Variants in SNTG1 observed in about 807,000 individuals in gnomAD.
SNTG1 encodes the protein gamma-1-syntrophin.
Under a neutral mutation model 74.7 loss-of-function variants are expected in SNTG1, and 39 were observed. The observed-to-expected ratio is 0.52, with a 90% CI of 0.40 to 0.68. The LOEUF is 0.68. Ranked by LOEUF, SNTG1 falls within the 30% of genes least tolerant of loss-of-function variation. The pLI is 0.00. For missense variants in SNTG1, 685 were observed against 609.5 expected (o/e 1.12, Z -1.30); for synonymous variants, 254 against 217.1 (o/e 1.17, Z -1.49).
chr8:50,778,336 C>T (rs2095647521), intron 18 of SNTG1, among the ~76,000 whole-genome samples: 1 of 152,130 alleles, frequency 6.6e-6, no homozygotes, highest in Non-Finnish European at 1.5e-5. Flanking sequence ...AAAAGTGTTC[C>T]TATTCCTCCA....
At chr8:50,428,668 C>G (rs919476081) in intron 4 of SNTG1, among the ~76,000 whole-genome samples, 6 of 152,124 alleles carry the variant, frequency 3.9e-5, no homozygotes, top group Non-Finnish European at 8.8e-5. Context: ...GAGAAAAACC[C>G]AAAACCCTGA....
chr8:50,110,310 T>A (rs1335191445), intron 1 of SNTG1, among the ~76,000 whole-genome samples: 1 of 152,096 alleles, frequency 6.6e-6, no homozygotes, highest in Non-Finnish European at 1.5e-5. Flanking sequence ...GGGTGTGAGA[T>A]TTTCCAGCCC....
chr8:50,651,658 T>C (rs2095147413), intron 13 of SNTG1, among the ~76,000 whole-genome samples: 1 of 151,998 alleles, frequency 6.6e-6, no homozygotes, highest in Non-Finnish European at 1.5e-5. Context: ...GATTTCTCCA[T>C]GTAGGTCAGG....
At chr8:50,025,414 C>G (rs1456855430) in intron 1 of SNTG1, among the ~76,000 whole-genome samples, 1 of 152,098 alleles carries the variant, frequency 6.6e-6, no homozygotes, top group East Asian at 1.9e-4. Context: ...GTTAAATTCA[C>G]CCTTCCAAAA....
At chr8:50,741,594 T>C (rs767250226) in intron 17 of SNTG1, among the ~76,000 whole-genome samples, 1 of 152,098 alleles carries the variant, frequency 6.6e-6, no homozygotes, top group African/African-American at 2.4e-5. Flanking sequence ...AGAGCAGTTT[T>C]ATTCATAATT....
intron 2 of SNTG1, among the ~76,000 whole-genome samples, chr8:50,387,121 A>G (rs2092587677): frequency 1.3e-5 from 2 of 152,204 alleles, no homozygotes; most frequent in South Asian, 4.1e-4. Context: ...GAGTTAAGCT[A>G]CTCTGATTAC....
At chr8:50,185,932 A>G (rs1284702152) in intron 2 of SNTG1, among the ~76,000 whole-genome samples, 1 of 152,026 alleles carries the variant, frequency 6.6e-6, no homozygotes, top group Non-Finnish European at 1.5e-5. Flanking sequence ...TGCTGCACCT[A>G]TCAACACGTC....
intron 1 of SNTG1, among the ~76,000 whole-genome samples, chr8:49,918,123 T>C (rs75417081): frequency 0.019 from 2,933 of 152,202 alleles, 194 homozygotes; most frequent in Admixed American, 0.13. Context: ...TATCTAGAAA[T>C]GAGACAATGA....
intron 1 of SNTG1, among the ~76,000 whole-genome samples, chr8:50,014,965 C>A (rs1295980211): frequency 1.3e-5 from 2 of 148,684 alleles, no homozygotes; most frequent in African/African-American, 5.0e-5. Flanking sequence ...CAGTTTTCAA[C>A]AAAAACTCAT....
intron 2 of SNTG1, among the ~76,000 whole-genome samples, chr8:50,242,778 CTATT>C (rs1480836947): frequency 1.3e-5 from 2 of 149,824 alleles, no homozygotes; most frequent in Non-Finnish European, 3.0e-5. Context: ...CATATATTAT[CTATT>C]TATATTACCA....
At chr8:50,151,876 T>C (rs1305694097) in intron 1 of SNTG1, among the ~76,000 whole-genome samples, 1 of 152,186 alleles carries the variant, frequency 6.6e-6, no homozygotes, top group African/African-American at 2.4e-5. Context: ...CTGAGAAGAA[T>C]GTATATTCTG....
chr8:50,393,902 G>A (rs561988020), intron 2 of SNTG1, among the ~76,000 whole-genome samples: 44 of 152,276 alleles, frequency 2.9e-4, no homozygotes, highest in South Asian at 1.0e-3. Context: ...GGGAATGAGC[G>A]AGAAGAGGTT....
rs971167916 is a variant in SNTG1, at chr8:50,121,678, C to T, written c.-102-50883C>T. ...TTTAAACCAATGTGTTACAACTGTA[C>T]CAAAAAAATAGAATGAATTTTAAAT... On this transcript the variant is annotated intron_variant, in intron 1 of 18. Coordinates refer to ENST00000642720, the MANE Select transcript of SNTG1 (RefSeq NM_018967.5). Among the ~76,000 whole-genome samples the T allele has an allele frequency of 4.2e-5, 6 of 141,192 alleles. 1 individual carries two copies. The highest frequency in any genetic ancestry group is 1.5e-4 in the Admixed American group (2 of 13,660). The allele number at this position is 141,192 out of a possible 152,430, so 92.6% of individuals were successfully genotyped here. A position where few individuals can be genotyped will look rare whatever the true frequency, so the allele number is the denominator to read the frequency against.
rs551071914 is a variant in SNTG1 at position 50,742,184 on chromosome 8, C to CAT, written c.1285-9814_1285-9813dup. On this transcript the variant is annotated intron_variant, in intron 17 of 18. Coordinates refer to ENST00000642720, the MANE Select transcript of SNTG1 (RefSeq NM_018967.5). Reference sequence around the variant, plus strand: ...AAATTAACCAACTGGATCTAACAGACATATGCATGCCATATATTCAACCAC... The same window carrying CAT: ...AAATTAACCAACTGGATCTAACAGACATATATGCATGCCATATATTCAACCAC... 3.0e-3 allele frequency among the ~76,000 whole-genome samples: 449 copies of CAT among 152,036 alleles called. 3 individuals carry two copies. The highest frequency in any genetic ancestry group is 0.01 in the African/African-American group (434 of 41,514).
intron 1 of SNTG1, among the ~76,000 whole-genome samples, chr8:49,931,089 G>T (rs1043539223): frequency 6.6e-6 from 1 of 152,102 alleles, no homozygotes; most frequent in African/African-American, 2.4e-5. Context: ...TAAAGAAAAG[G>T]TGTTCAACCT....
Position 50,193,677 on chromosome 8 carries a change from G to A in SNTG1, c.-28+21042G>A, listed in dbSNP as rs187420984. ...TGCCCTTTATTTCTTCCTTTTGTAT[G>A]ATTGCTCTGACTAGGACTTCTAGTA... On this transcript the variant is annotated intron_variant, in intron 2 of 18. Transcript: ENST00000642720. 2.6e-5 allele frequency among the ~76,000 whole-genome samples: 4 copies of A among 152,168 alleles called. No homozygotes were observed. The East Asian group carries it at 7.7e-4, about 29-fold the overall frequency.
intron 1 of SNTG1, among the ~76,000 whole-genome samples, chr8:49,940,097 G>A (rs1218077789): frequency 1.3e-5 from 2 of 152,154 alleles, no homozygotes; most frequent in Non-Finnish European, 2.9e-5. Context: ...TGTGAAATTT[G>A]AGGTGCTTGG....
chr8:50,598,879 G>C (rs1277311219), intron 13 of SNTG1, among the ~76,000 whole-genome samples: 1 of 151,736 alleles, frequency 6.6e-6, no homozygotes, highest in Non-Finnish European at 1.5e-5. Flanking sequence ...GGTTGCTATT[G>C]GTGTAGGGAA....
chr8:50,231,055 C>G (rs1586780006), intron 2 of SNTG1, among the ~76,000 whole-genome samples: 1 of 151,054 alleles, frequency 6.6e-6, no homozygotes, highest in Admixed American at 6.6e-5. Flanking sequence ...AGAAATAAAA[C>G]AAATAATCTG....
Sources: allele counts gnomAD v4.1 joint callset (sites outside exome capture counted in the v4.1 genomes callset), GRCh38; gene constraint gnomAD v4.1.1; transcripts MANE v1.5; gene names NCBI Gene and HGNC (gene_info 2026-07-23, HGNC 2026-07-21).